The following SOX5 variants were observed in gnomAD, a reference collection of about 807,000 sequenced individuals.
The protein encoded by SOX5 is SRY-box transcription factor 5.
SOX5 carries 9 observed loss-of-function variants against 92.0 expected under a neutral mutation model. The ratio of observed to expected loss-of-function variants is 0.10; its 90% CI spans 0.06 to 0.17. SOX5 has a LOEUF of 0.17. SOX5 is among the 10% of genes least tolerant of loss of function. SOX5 has a pLI of 1.00. For synonymous variants in SOX5, 344 were observed against 336.3 expected (o/e 1.02, Z -0.25); for missense variants, 642 against 944.5 (o/e 0.68, Z 4.20).
intron 1 of SOX5, among the ~76,000 whole-genome samples, chr12:24,463,252 T>G (rs1049546913): frequency 6.6e-6 from 1 of 152,098 alleles, no homozygotes; most frequent in Non-Finnish European, 1.5e-5. Context: ...CCTTTAAAAT[T>G]TTTGCCCTAA....
chr12:23,876,254 T>C (rs1393307423), intron 2 of SOX5, among the ~76,000 whole-genome samples: 1 of 152,122 alleles, frequency 6.6e-6, no homozygotes, highest in East Asian at 1.9e-4. Context: ...ATCCAGAATC[T>C]ACAAGGAACT....
intron 8 of SOX5, among the ~76,000 whole-genome samples, chr12:23,621,748 C>T (rs764563749): frequency 1.4e-4 from 22 of 152,066 alleles, no homozygotes; most frequent in Non-Finnish European, 3.1e-4. Flanking sequence ...TCAACCAAAT[C>T]CAGTAATGCC....
At chr12:24,102,300 T>G (rs1191118593) in intron 4 of SOX5, among the ~76,000 whole-genome samples, 1 of 152,188 alleles carries the variant, frequency 6.6e-6, no homozygotes, top group Non-Finnish European at 1.5e-5. Flanking sequence ...TGTCAATACA[T>G]TTCTTTTCAA....
In SOX5 at chr12:24,010,335, T is replaced by C. The variant is rs555693803; in HGVS notation, c.-1-114311A>G. Among the ~76,000 whole-genome samples the C allele has an allele frequency of 9.2e-5, 14 of 152,228 alleles. No homozygotes were observed. In the South Asian group the frequency reaches 2.3e-3, roughly 25 times the overall value. ...GATTATGTCTGGCATACAAAGATAA[T>C]AAATATGTGTAAGATGAATGAATAT... On this transcript the variant is annotated intron_variant, in intron 4 of 4. Transcript: ENST00000446891.
At chr12:23,818,435 T>C (rs2096041788) in intron 3 of SOX5, among the ~76,000 whole-genome samples, 2 of 152,174 alleles carry the variant, frequency 1.3e-5, no homozygotes. Context: ...GATACACATA[T>C]ATAGGGTATT....
At chr12:24,049,750 G>C (rs1957385355) in intron 4 of SOX5, among the ~76,000 whole-genome samples, 1 of 137,930 alleles carries the variant, frequency 7.3e-6, no homozygotes, top group Non-Finnish European at 1.5e-5. Flanking sequence ...TGGAGATAAT[G>C]TCACATTTAT....
chr12:24,238,808 C>T (rs1266691834), intron 3 of SOX5, among the ~76,000 whole-genome samples: 1 of 152,196 alleles, frequency 6.6e-6, no homozygotes, highest in African/African-American at 2.4e-5. Context: ...CAATAGCAAC[C>T]TAATTCCCAT....
intron 2 of SOX5, among the ~76,000 whole-genome samples, chr12:24,307,953 G>A (rs906037770): frequency 1.3e-5 from 2 of 151,986 alleles, no homozygotes; most frequent in Admixed American, 6.6e-5. Flanking sequence ...TGATGGTCAC[G>A]CAATTGTTAC....
chr12:24,186,938 T>TG (rs11375866), intron 4 of SOX5, among the ~76,000 whole-genome samples: 135,931 of 151,990 alleles, frequency 0.89, 60,911 homozygotes, highest in East Asian at 0.99. Context: ...TAAAACACAT[T>TG]AAAAAAAAGT....
At chr12:24,209,747 G>A (rs370855310) in intron 4 of SOX5, among the ~76,000 whole-genome samples, 2 of 151,996 alleles carry the variant, frequency 1.3e-5, no homozygotes, top group African/African-American at 2.4e-5. Context: ...GGCCGGGCGC[G>A]GTGGCTCACG....
chr12:23,693,651 T>G (rs1220282278), intron 6 of SOX5, among the ~76,000 whole-genome samples: 3 of 152,192 alleles, frequency 2.0e-5, no homozygotes, highest in Non-Finnish European at 2.9e-5. Flanking sequence ...TTAGAGGTTT[T>G]GTTTTAGCAG....
chr12:24,227,952 A>G (rs927729414), intron 3 of SOX5: 7 of 152,266 alleles, frequency 4.6e-5, no homozygotes, highest in African/African-American at 1.7e-4. Context: ...AATAATATGC[A>G]TACATACAAA....
intron 9 of SOX5, among the ~76,000 whole-genome samples, chr12:23,603,448 AT>A (rs1393563618): frequency 1.5e-4 from 4 of 26,482 alleles, no homozygotes; most frequent in African/African-American, 3.4e-4. Context: ...TATATAAAAT[AT>A]ATATATATAT....
chr12:23,881,685 C>T (rs2096991723), intron 2 of SOX5, among the ~76,000 whole-genome samples: 1 of 152,102 alleles, frequency 6.6e-6, no homozygotes, highest in Non-Finnish European at 1.5e-5. Flanking sequence ...AAGATTATCC[C>T]TAAGAAAGCT....
intron 8 of SOX5, chr12:23,638,607 T>G (rs1333126629): frequency 6.6e-6 from 1 of 152,186 alleles, no homozygotes; most frequent in Non-Finnish European, 1.5e-5. Context: ...TAGTTAGCTT[T>G]TCTCTCACCC....
At chr12:23,958,469 A>G (rs1351516367) in intron 4 of SOX5, among the ~76,000 whole-genome samples, 1 of 152,096 alleles carries the variant, frequency 6.6e-6, no homozygotes, top group Admixed American at 6.5e-5. Context: ...TCTTATAACT[A>G]GAAATCAATA....
intron 4 of SOX5, among the ~76,000 whole-genome samples, chr12:24,000,976 T>A (rs888613414): frequency 6.6e-6 from 1 of 152,252 alleles, no homozygotes; most frequent in Middle Eastern, 3.4e-3. Flanking sequence ...TCCAGCAGAA[T>A]ACATACTATT....
intron 4 of SOX5, among the ~76,000 whole-genome samples, chr12:24,006,865 G>A (rs1952237611): frequency 6.6e-6 from 1 of 151,926 alleles, no homozygotes. Context: ...TGGGTGCGGT[G>A]CCTCACGCCT....
At chr12:23,625,423 C>T (rs574893433) in intron 8 of SOX5, among the ~76,000 whole-genome samples, 63 of 152,160 alleles carry the variant, frequency 4.1e-4, no homozygotes, top group Admixed American at 6.5e-4. Context: ...TGGATGAAAA[C>T]ATTTGAAGGC....
Sources: gnomAD v4.1 joint callset for allele counts (sites outside exome capture counted in the v4.1 genomes callset) on GRCh38, gnomAD v4.1.1 for gene constraint, MANE v1.5 for transcripts, NCBI Gene and HGNC (gene_info 2026-07-23, HGNC 2026-07-21) for gene names.